Variants in VPS13B observed in about 807,000 individuals in gnomAD.
VPS13B encodes the protein intermembrane lipid transfer protein VPS13B.
Under a neutral mutation model 426.4 loss-of-function variants are expected in VPS13B, and 285 were observed. That is an observed-to-expected ratio of 0.67 (90% CI 0.61 to 0.74). VPS13B has a LOEUF of 0.74. Among genes scored for constraint, VPS13B ranks in the 30% least tolerant of loss-of-function variants. VPS13B has a pLI of 0.00. For synonymous variants in VPS13B, 1,676 were observed against 1,676.4 expected, an observed-to-expected ratio of 1.00 and a Z score of 0.01; for missense variants, 4,537 against 4,782.6, an observed-to-expected ratio of 0.95 and a Z score of 1.51.
chr8:99,124,008 G>T lies in VPS13B; in HGVS notation c.1206+2563G>T, dbSNP rs192779622. On this transcript the variant is annotated intron_variant, in intron 8 of 61. Coordinates refer to ENST00000357162, the MANE Select transcript of VPS13B (RefSeq NM_152564.5). ...TGATAGTCATGATCATATTAAGACT[G>T]AAATTAGTGTAGAATAGAAAAAAGA... 3.9e-5 allele frequency among the ~76,000 whole-genome samples: 6 copies of T among 152,260 alleles called. No homozygotes were observed. In the South Asian group the frequency reaches 8.3e-4, roughly 21 times the overall value.
At chr8:99,275,336 T>TATATA in intron 19 of VPS13B, 82 bp downstream of exon 19, 1 of 357,080 alleles carries the variant, frequency 2.8e-6, no homozygotes, top group African/African-American at 2.6e-5. Flanking sequence ...TTGGTATATA[T>TATATA]TTTTTTTTTT....
chr8:99,780,315 C>A (rs943757021), intron 42 of VPS13B, among the ~76,000 whole-genome samples: 1 of 152,042 alleles, frequency 6.6e-6, no homozygotes. Flanking sequence ...ATTGATAGAA[C>A]ATTTAAACCC....
rs575302774 is a variant in VPS13B at position 99,166,763 on chromosome 8, C to T, written c.2209-3276C>T. Among the ~76,000 whole-genome samples the T allele has an allele frequency of 2.8e-4, 43 of 152,194 alleles. No homozygotes were observed. The South Asian group carries it at 8.5e-3, about 30-fold the overall frequency. On this transcript the variant is annotated intron_variant, in intron 15 of 61. Transcript: ENST00000357162. The stretch of plus-strand genomic sequence containing the variant: ...AGGGACCCCAAATAACCAAAAAGAT[C>T]TTGAAAAAGAACAAAGCTGAAGGAC...
At chr8:99,703,027 C>G (rs1182132753) in intron 36 of VPS13B, among the ~76,000 whole-genome samples, 1 of 152,070 alleles carries the variant, frequency 6.6e-6, no homozygotes, top group Non-Finnish European at 1.5e-5. Flanking sequence ...CATAAGCTTA[C>G]AGGAAGTGTA....
At chr8:99,752,946 C>G (rs1036610606) in intron 39 of VPS13B, among the ~76,000 whole-genome samples, 3 of 152,240 alleles carry the variant, frequency 2.0e-5, no homozygotes, top group South Asian at 4.1e-4. Context: ...AACTGAAATA[C>G]GGGAGTCAGT....
chr8:99,760,498 T>C (rs527657384), intron 39 of VPS13B, among the ~76,000 whole-genome samples: 1 of 152,262 alleles, frequency 6.6e-6, no homozygotes, highest in East Asian at 1.9e-4. Flanking sequence ...AGAGCAGTGA[T>C]TTAAGTGGTA....
intron 30 of VPS13B, among the ~76,000 whole-genome samples, chr8:99,552,470 T>G (rs1462496538): frequency 6.6e-6 from 1 of 152,070 alleles, no homozygotes; most frequent in African/African-American, 2.4e-5. Flanking sequence ...TGAATTTTTG[T>G]TCATACCATA....
intron 16 of VPS13B, among the ~76,000 whole-genome samples, chr8:99,178,955 T>C (rs1374864166): frequency 6.6e-6 from 1 of 151,784 alleles, no homozygotes; most frequent in Non-Finnish European, 1.5e-5. Flanking sequence ...GTTGGAACTA[T>C]TAATAGCATG....
intron 19 of VPS13B, among the ~76,000 whole-genome samples, chr8:99,298,387 G>A (rs895433162): frequency 1.3e-5 from 2 of 152,144 alleles, no homozygotes; most frequent in Admixed American, 1.3e-4. Flanking sequence ...ACTTAGGAAG[G>A]CTGAGGCAGG....
At chr8:99,311,503 G>C (rs944833957) in intron 19 of VPS13B, among the ~76,000 whole-genome samples, 17 of 152,156 alleles carry the variant, frequency 1.1e-4, no homozygotes, top group Admixed American at 3.3e-4. Flanking sequence ...TTTATCCCGA[G>C]TTCTAGTTTG....
At chr8:99,365,336 C>T (rs1812801278) in intron 19 of VPS13B, among the ~76,000 whole-genome samples, 1 of 150,952 alleles carries the variant, frequency 6.6e-6, no homozygotes. Context: ...CTTGCTTTTC[C>T]AGTTATTTAA....
At chr8:99,683,998 A>G (rs1015948987) in intron 35 of VPS13B, among the ~76,000 whole-genome samples, 3 of 152,228 alleles carry the variant, frequency 2.0e-5, no homozygotes, top group Non-Finnish European at 2.9e-5. Flanking sequence ...TCATCAGGTT[A>G]AGTTTCCCTC....
At chr8:99,700,021 A>G (rs2130182767) in intron 36 of VPS13B, 89 bp downstream of exon 36, 1 of 1,489,554 alleles carries the variant, frequency 6.7e-7, no homozygotes, top group Admixed American at 2.2e-5. Context: ...GATTTATATT[A>G]TGTAGAAGTT....
chr8:99,429,146 G>A (rs1234016154), intron 21 of VPS13B, among the ~76,000 whole-genome samples: 1 of 152,096 alleles, frequency 6.6e-6, no homozygotes, highest in African/African-American at 2.4e-5. Context: ...GTGGGGAGTG[G>A]GGAGGGATAG....
intron 44 of VPS13B, among the ~76,000 whole-genome samples, chr8:99,810,503 G>A (rs1327151389): frequency 6.6e-6 from 1 of 152,172 alleles, no homozygotes; most frequent in African/African-American, 2.4e-5. Flanking sequence ...TGCATTCTTG[G>A]TCTGCACCTA....
At chr8:99,158,816 G>A (rs1811498008) in intron 15 of VPS13B, among the ~76,000 whole-genome samples, 1 of 152,142 alleles carries the variant, frequency 6.6e-6, no homozygotes, top group Non-Finnish European at 1.5e-5. Context: ...GATGTACAGG[G>A]AGATGCACAT....
intron 29 of VPS13B, among the ~76,000 whole-genome samples, chr8:99,518,490 A>G (rs192826725): frequency 2.6e-5 from 4 of 152,304 alleles, no homozygotes; most frequent in Admixed American, 2.6e-4. Context: ...GGATGTAAAA[A>G]TACTGTCTTT....
At chr8:99,592,451 G>A (rs1447779703) in intron 33 of VPS13B, among the ~76,000 whole-genome samples, 1 of 152,002 alleles carries the variant, frequency 6.6e-6, no homozygotes, top group Non-Finnish European at 1.5e-5. Flanking sequence ...CATCTTTGTG[G>A]TTTTATCTAC....
chr8:99,438,449 T>TA (rs1817514134), intron 22 of VPS13B, among the ~76,000 whole-genome samples: 1 of 152,154 alleles, frequency 6.6e-6, no homozygotes, highest in Non-Finnish European at 1.5e-5. Flanking sequence ...ATTTAATCCT[T>TA]ACAAATTTTG....
Sources: allele counts gnomAD v4.1 joint callset (sites outside exome capture counted in the v4.1 genomes callset), GRCh38; gene constraint gnomAD v4.1.1; transcripts MANE v1.5; gene names NCBI Gene and HGNC (gene_info 2026-07-23, HGNC 2026-07-21).